The following BOD1L1 variants were observed in gnomAD, a reference collection of about 807,000 sequenced individuals.
BOD1L1 encodes biorientation of chromosomes in cell division 1 like 1.
A neutral mutation model predicts 240.7 loss-of-function variants in BOD1L1; 86 were observed. That is an observed-to-expected ratio of 0.36 (90% confidence interval 0.30 to 0.43). The LOEUF is 0.43. Among genes scored for constraint, BOD1L1 ranks in the 20% least tolerant of loss-of-function variants. The pLI is 1.00. For synonymous variants in BOD1L1, 1,268 were observed against 1,272.3 expected, an observed-to-expected ratio of 1.00 and a Z score of 0.07; for missense variants, 3,554 against 3,643.5, an observed-to-expected ratio of 0.98 and a Z score of 0.63.
In BOD1L1 at chr4:13,576,968, G is replaced by A. The variant is rs775550481; in HGVS notation, c.8908C>T (p.Arg2970Cys). Residue 2970 changes from arginine to cysteine, a missense_variant, in exon 25 of 26, where the codon CGC (arginine) becomes TGC (cysteine). By Grantham distance (180) the Arg-to-Cys change is radical. Coordinates refer to ENST00000040738, the MANE Select transcript of BOD1L1 (RefSeq NM_148894.3). ...ACTGGATCAGAAACTGATTTCTGGCGTTTTCTTTCTGGCTCTGAGGATTCT... is the reference window on the plus strand; with the variant it reads ...ACTGGATCAGAAACTGATTTCTGGCATTTTCTTTCTGGCTCTGAGGATTCT... The part of the protein sequence containing the change: ...DAESSEPERK[R>C]QKSVSDPVED... 1.9e-5 allele frequency: 31 copies of A among 1,613,700 alleles called. No individual in the cohort carries two copies. Among genetic ancestry groups the A allele is most frequent in the East Asian group, 8.9e-5 (4 of 44,886 alleles).
Position 13,627,466 on chromosome 4 carries a change from GC to G in BOD1L1, c.121del (p.Ala41ArgfsTer16). On this transcript the variant is annotated frameshift_variant, in exon 1 of 26. Coordinates refer to ENST00000040738, the MANE Select transcript of BOD1L1 (RefSeq NM_148894.3). LOFTEE classifies it high-confidence loss of function. ...CCCGGCGCCCGCACCCGCGCCGCCCGCCCCGCCCGCGCCGGGGCCAGCCCCG... is the reference window on the plus strand; with the variant it reads ...CCCGGCGCCCGCACCCGCGCCGCCCGCCCGCCCGCGCCGGGGCCAGCCCCG... The part of the protein sequence containing the change: ...GPGAGPGAGG[A>X]GGAGAGAGDP... 1 of 1,076,560 alleles carries G rather than the reference GC, an allele frequency of 9.3e-7. No homozygotes were observed. The highest frequency in any genetic ancestry group is 3.4e-5 in the South Asian group (1 of 29,028). The allele number at this position is 1,076,560 out of a possible 1,614,324, so 66.7% of individuals were successfully genotyped here. A position where few individuals can be genotyped will look rare whatever the true frequency, so the allele number is the denominator to read the frequency against.
chr4:13,577,572 T>G lies in BOD1L1; in HGVS notation c.8799+10A>C, dbSNP rs1158024770. 1 of 1,579,156 alleles carries G rather than the reference T, an allele frequency of 6.3e-7. No individual in the cohort carries two copies. The highest frequency in any genetic ancestry group is 2.3e-5 in the East Asian group (1 of 44,076). Reference sequence around the variant, plus strand: ...AAACAACATATCTTGATAAGAAATTTAACACTTACATTGCTTATACTTCTT... The same window carrying G: ...AAACAACATATCTTGATAAGAAATTGAACACTTACATTGCTTATACTTCTT... On this transcript the variant is annotated intron_variant, in intron 23 of 25. Transcript: ENST00000040738.
rs1318107209 is a variant in BOD1L1 at position 13,615,302 on chromosome 4, A to G, written c.559+10T>C. On this transcript the variant is annotated intron_variant, in intron 3 of 25. Coordinates refer to ENST00000040738, the MANE Select transcript of BOD1L1 (RefSeq NM_148894.3). ...AACAATGGAACTGACCAAGAGTAAAAGCAAAGCACCTTGTGTAATAAGGGA... is the reference window on the plus strand; with the variant it reads ...AACAATGGAACTGACCAAGAGTAAAGGCAAAGCACCTTGTGTAATAAGGGA... 1.3e-5 allele frequency: 21 copies of G among 1,593,276 alleles called. No homozygotes were observed. Among genetic ancestry groups the G allele is most frequent in the Non-Finnish European group, 1.8e-5 (21 of 1,168,618 alleles).
intron 10 of BOD1L1, among the ~76,000 whole-genome samples, chr4:13,598,083 G>T (rs1714764463): frequency 6.6e-6 from 1 of 152,144 alleles, no homozygotes; most frequent in Non-Finnish European, 1.5e-5. Context: ...CTATGCAATT[G>T]TCATGCTTTA....
At chr4:13,620,749 T>C (rs945649942) in intron 1 of BOD1L1, among the ~76,000 whole-genome samples, 10 of 152,160 alleles carry the variant, frequency 6.6e-5, no homozygotes, top group African/African-American at 1.4e-4. Flanking sequence ...CAAAATACTT[T>C]AGGAAAGCAT....
At chr4:13,585,833 T>A (rs770948809) in intron 17 of BOD1L1, among the ~76,000 whole-genome samples, 1 of 152,188 alleles carries the variant, frequency 6.6e-6, no homozygotes, top group Non-Finnish European at 1.5e-5. Context: ...CCCCTGCACA[T>A]GCCCTCTTGC....
rs1717527101 is a variant in BOD1L1 at position 13,627,710 on chromosome 4, G to T, written c.-123C>A. Reference sequence around the variant, plus strand: ...TGTTGTTACGGAACCAGCGGATCCAGAGCAACCCCGGAAGTGAAAGGGAAC... The same window carrying T: ...TGTTGTTACGGAACCAGCGGATCCATAGCAACCCCGGAAGTGAAAGGGAAC... On this transcript the variant is annotated 5_prime_UTR_variant, in exon 1 of 26. In the 5' UTR this introduces an upstream ATG that the reference lacks. Coordinates refer to ENST00000040738, the MANE Select transcript of BOD1L1 (RefSeq NM_148894.3). The T allele has an allele frequency of 5.7e-6, 5 of 873,478 alleles. No homozygotes were observed. The highest frequency in any genetic ancestry group is 6.9e-6 in the Non-Finnish European group (5 of 722,340). 54.1% of individuals were successfully genotyped at this position (873,478 alleles called of 1,614,324 possible). A position where few individuals can be genotyped will look rare whatever the true frequency, so the allele number is the denominator to read the frequency against.
At chr4:13,588,825 C>G (rs1713942218) in intron 14 of BOD1L1, 33 bp from the exon 15 acceptor site, 1 of 1,409,918 alleles carries the variant, frequency 7.1e-7, no homozygotes, top group Non-Finnish European at 9.6e-7. Flanking sequence ...AAAAAAAAAT[C>G]TTAAATATTT....
chr4:13,586,607 T>C (rs971698291), intron 16 of BOD1L1, 132 bp from the exon 17 acceptor site: 1 of 500,574 alleles, frequency 2.0e-6, no homozygotes, highest in Non-Finnish European at 3.5e-6. Context: ...AGTTACTCTA[T>C]ATTTATAATA....
Position 13,603,975 on chromosome 4 carries a change from C to G in BOD1L1, c.2925G>C (p.Glu975Asp), listed in dbSNP as rs1715451826. The G allele has an allele frequency of 1.2e-6, 2 of 1,613,902 alleles. No homozygotes were observed. Among genetic ancestry groups the G allele is most frequent in the East Asian group, 4.5e-5 (2 of 44,862 alleles). ...TACTATGTGCTGAAGAAGAAGCAGTCTCTAATACAGGTTCAACACCAGTTT... is the reference window on the plus strand; with the variant it reads ...TACTATGTGCTGAAGAAGAAGCAGTGTCTAATACAGGTTCAACACCAGTTT... ...FEETGVEPVL[E>D]TASSSAHSTQ... is the part of the protein sequence containing the mutation. Residue 975 changes from glutamate to aspartate, a missense_variant, in exon 10 of 26, where the codon GAG becomes GAC. Coordinates refer to ENST00000040738, the MANE Select transcript of BOD1L1 (RefSeq NM_148894.3).
At chr4:13,591,486 ACT>A (rs1714210469) in intron 13 of BOD1L1, among the ~76,000 whole-genome samples, 1 of 152,100 alleles carries the variant, frequency 6.6e-6, no homozygotes, top group Non-Finnish European at 1.5e-5. Flanking sequence ...CAAAAACAAG[ACT>A]CTTTCAAGAA....
Position 13,603,073 on chromosome 4 carries a change from G to C in BOD1L1, c.3827C>G (p.Thr1276Arg). The change falls in exon 10 of 26, where the codon ACA becomes AGA. Residue 1276 changes from threonine to arginine, a missense_variant. Coordinates refer to ENST00000040738, the MANE Select transcript of BOD1L1 (RefSeq NM_148894.3). Reference sequence around the variant, plus strand: ...TAAGGATGGTGAGGAGTCTAAATTTGTGGAATGTTCAAGAGTGGCATCTCC... The same window carrying C: ...TAAGGATGGTGAGGAGTCTAAATTTCTGGAATGTTCAAGAGTGGCATCTCC... ...AQGDATLEHS[T>R]NLDSSPSLSS... 6.2e-7 allele frequency: 1 copy of C among 1,613,968 alleles called. No homozygotes were observed. Among genetic ancestry groups the C allele is most frequent in the South Asian group, 1.1e-5 (1 of 91,078 alleles).
intron 25 of BOD1L1, among the ~76,000 whole-genome samples, chr4:13,572,351 G>C (rs942605235): frequency 5.9e-5 from 9 of 152,214 alleles, no homozygotes; most frequent in African/African-American, 2.2e-4. Context: ...GAAAGAGGAA[G>C]CTTTATCACC....
Position 13,577,649 on chromosome 4 carries a change from T to C in BOD1L1, c.8750-18A>G. 6 of 1,523,900 alleles carry C rather than the reference T, an allele frequency of 3.9e-6. No individual in the cohort carries two copies. The highest frequency in any genetic ancestry group is 5.4e-6 in the Non-Finnish European group (6 of 1,121,212). The allele number at this position is 1,523,900 out of a possible 1,614,324, so 94.4% of individuals were successfully genotyped here. On this transcript the variant is annotated intron_variant, in intron 22 of 25. Transcript: ENST00000040738. ...GGATTCATCTTTAAGAAAAGGGAAA[T>C]CTCTGCATTAATATTTTATTACTGT...
intron 5 of BOD1L1, 135 bp from the exon 6 acceptor site, chr4:13,611,235 T>C (rs1716147534): frequency 8.5e-6 from 5 of 588,854 alleles, no homozygotes; most frequent in Non-Finnish European, 1.4e-5. Flanking sequence ...ATTTCAGAAA[T>C]TGACTTTTAA....
At chr4:13,579,511 T>C (rs1161911616) in intron 22 of BOD1L1, among the ~76,000 whole-genome samples, 1 of 152,218 alleles carries the variant, frequency 6.6e-6, no homozygotes. Context: ...ATCTTTGTTG[T>C]TGATATCAAC....
chr4:13,609,873 AT>A (rs1422748594), intron 6 of BOD1L1, among the ~76,000 whole-genome samples: 3 of 152,198 alleles, frequency 2.0e-5, no homozygotes, highest in African/African-American at 7.2e-5. Flanking sequence ...CTTGCTGGTT[AT>A]ATGCTTGGGA....
chr4:13,600,187 C>A lies in BOD1L1; in HGVS notation c.6713G>T (p.Ser2238Ile). 6.2e-7 allele frequency: 1 copy of A among 1,614,014 alleles called. No individual in the cohort carries two copies. Among genetic ancestry groups the A allele is most frequent in the African/African-American group, 1.3e-5 (1 of 75,054 alleles). The change falls in exon 10 of 26, where the codon AGT (serine) becomes ATT (isoleucine). Residue 2238 changes from serine to isoleucine, a missense_variant. By Grantham distance (142) the Ser-to-Ile change is moderately radical. This residue lies in a region of BOD1L1 where 3,393 missense variants were observed against 3,427.1 expected (regional missense o/e 0.99). Transcript: ENST00000040738. Reference protein sequence around the residue: ...EASVSGVVVESENERAGTVME... With the variant: ...EASVSGVVVEIENERAGTVME... ...GACTGTGCCAGCTCGCTCATTTTCA[C>A]TTTCAACAACTACACCGGAAACAGA...
intron 9 of BOD1L1, 30 bp downstream of exon 9, chr4:13,607,087 C>T (rs541123667): frequency 1.4e-6 from 2 of 1,410,224 alleles, no homozygotes; most frequent in African/African-American, 1.5e-5. Flanking sequence ...AACAAAACAG[C>T]ATTTGAAATG....
Sources: gnomAD v4.1 joint callset for allele counts (sites outside exome capture counted in the v4.1 genomes callset) on GRCh38, gnomAD v4.1.1 for gene constraint, gnomAD v4.1.1 regional missense constraint, MANE v1.5 for transcripts, NCBI Gene and HGNC (gene_info 2026-07-23, HGNC 2026-07-21) for gene names.